APP: variants seen among roughly 807,000 people sequenced by gnomAD.
APP encodes amyloid beta precursor protein.
A neutral mutation model predicts 101.4 loss-of-function variants in APP; 31 were observed. The observed-to-expected ratio is 0.31, with a 90% CI of 0.23 to 0.41. The LOEUF (loss-of-function observed/expected upper bound fraction) is 0.41. Ranked by LOEUF, APP falls within the 10% of genes least tolerant of loss-of-function variation. The pLI is 1.00. For synonymous variants in APP, 366 were observed against 364.4 expected, an observed-to-expected ratio of 1.00 and a Z score of -0.05; for missense variants, 839 against 1,003.7, an observed-to-expected ratio of 0.84 and a Z score of 2.22.
At chr21:26,140,120 A>T (rs919549543) in intron 1 of APP, 3 of 1,443,662 alleles carry the variant, frequency 2.1e-6, no homozygotes, top group Non-Finnish European at 2.8e-6. Flanking sequence ...AATACAGACT[A>T]AAAACAATGC....
At chr21:26,009,016 C>T (rs1159712202) in intron 6 of APP, among the ~76,000 whole-genome samples, 1 of 152,208 alleles carries the variant, frequency 6.6e-6, no homozygotes, top group African/African-American at 2.4e-5. Context: ...CCCATACAGA[C>T]TCAACAACGA....
rs71317448 is a variant in APP at position 26,004,029 on chromosome 21, G to A, written c.866-3847C>T. On this transcript the variant is annotated intron_variant, in intron 6 of 17. Transcript: ENST00000346798. Reference sequence around the variant, plus strand: ...GAACAATTTTCCATGTAGTAGAAAAGAGAATCTTAGCCTACTCTGGGAGAA... The same window carrying A: ...GAACAATTTTCCATGTAGTAGAAAAAAGAATCTTAGCCTACTCTGGGAGAA... 7.4e-3 allele frequency among the ~76,000 whole-genome samples: 1,132 copies of A among 152,260 alleles called. 13 individuals are homozygous for A. The highest frequency in any genetic ancestry group is 0.024 in the Middle Eastern group (7 of 294).
chr21:25,975,803 C>T, intron 10 of APP, 151 bp downstream of exon 10: 2 of 696,052 alleles, frequency 2.9e-6, no homozygotes, highest in South Asian at 1.6e-5. Context: ...TTAAACAACT[C>T]AATTACTAGA....
At chr21:25,951,475 A>C (rs1446076659) in intron 13 of APP, among the ~76,000 whole-genome samples, 1 of 152,226 alleles carries the variant, frequency 6.6e-6, no homozygotes, top group East Asian at 1.9e-4. Flanking sequence ...TGTATTTATA[A>C]GCACAAACTT....
chr21:25,936,498 G>A (rs1456940554), intron 13 of APP, among the ~76,000 whole-genome samples: 5 of 152,184 alleles, frequency 3.3e-5, no homozygotes, highest in African/African-American at 7.2e-5. Flanking sequence ...AGCCAAGATC[G>A]TGCCATTGCA....
chr21:26,050,061 G>T (rs1477581396), intron 5 of APP, among the ~76,000 whole-genome samples: 1 of 152,074 alleles, frequency 6.6e-6, no homozygotes, highest in Non-Finnish European at 1.5e-5. Context: ...GGATCCTTCA[G>T]TTTATGACTG....
At chr21:26,050,976 G>A (rs755719191) in intron 5 of APP, 24 bp downstream of exon 5, 1 of 1,610,778 alleles carries the variant, frequency 6.2e-7, no homozygotes, top group Admixed American at 1.7e-5. Flanking sequence ...GCATCTCTGA[G>A]GCTGAACACA....
chr21:26,046,095 A>G (rs939993123), intron 5 of APP, among the ~76,000 whole-genome samples: 3 of 151,798 alleles, frequency 2.0e-5, no homozygotes, highest in African/African-American at 4.8e-5. Flanking sequence ...ACTTGCCCCC[A>G]TGATTCAATT....
At chr21:25,912,531 T>C (rs1207273779) in intron 13 of APP, among the ~76,000 whole-genome samples, 2 of 152,206 alleles carry the variant, frequency 1.3e-5, no homozygotes, top group African/African-American at 4.8e-5. Context: ...ATGCTCCTCT[T>C]GTGCTGCATG....
chr21:25,984,916 T>A (rs759189297), intron 8 of APP, among the ~76,000 whole-genome samples: 1 of 152,176 alleles, frequency 6.6e-6, no homozygotes, highest in Non-Finnish European at 1.5e-5. Flanking sequence ...GCTGTAACTG[T>A]TATAACCATA....
intron 3 of APP, among the ~76,000 whole-genome samples, chr21:26,057,420 C>T (rs1461793503): frequency 1.3e-5 from 2 of 152,038 alleles, no homozygotes; most frequent in African/African-American, 4.8e-5. Context: ...AACATACAAC[C>T]TGGTTTCTTG....
At chr21:26,014,577 C>A (rs1361409292) in intron 6 of APP, among the ~76,000 whole-genome samples, 1 of 152,150 alleles carries the variant, frequency 6.6e-6, no homozygotes, top group Admixed American at 6.5e-5. Context: ...CCTTCCTAGG[C>A]AGGCCTGAGA....
At chr21:25,965,979 G>C (rs2146532617) in intron 11 of APP, among the ~76,000 whole-genome samples, 1 of 152,270 alleles carries the variant, frequency 6.6e-6, no homozygotes, top group South Asian at 2.1e-4. Context: ...GGCAGTGACT[G>C]AGCAGTGCTC....
chr21:25,880,803 G>A lies in APP; in HGVS notation c.*867C>T, dbSNP rs867304682. 6.6e-6 allele frequency: 1 copy of A among 152,232 alleles called. No homozygotes were observed. Among genetic ancestry groups the A allele is most frequent in the Admixed American group, 6.6e-5 (1 of 15,252 alleles). 9.4% of individuals were successfully genotyped at this position (152,232 alleles called of 1,614,324 possible). A position where few individuals can be genotyped will look rare whatever the true frequency, so the allele number is the denominator to read the frequency against. The stretch of plus-strand genomic sequence containing the variant: ...ATCCTTCAAAGAAAAGTCTTGCCCG[G>A]GGTTATTTTATTTAATTTATTTATG... On this transcript the variant is annotated 3_prime_UTR_variant, in exon 18 of 18. Coordinates refer to ENST00000346798, the MANE Select transcript of APP (RefSeq NM_000484.4).
chr21:26,070,743 A>G (rs1382904519), intron 3 of APP, among the ~76,000 whole-genome samples: 1 of 152,212 alleles, frequency 6.6e-6, no homozygotes, highest in Non-Finnish European at 1.5e-5. Context: ...CTTTTGAAAC[A>G]AAACACCCAG....
intron 5 of APP, among the ~76,000 whole-genome samples, chr21:26,028,636 T>C (rs1258430458): frequency 1.3e-5 from 2 of 152,090 alleles, no homozygotes; most frequent in Non-Finnish European, 2.9e-5. Context: ...TTGATGATAA[T>C]GAGCAAAAAA....
intron 3 of APP, among the ~76,000 whole-genome samples, chr21:26,057,606 T>C (rs990751356): frequency 6.6e-6 from 1 of 152,192 alleles, no homozygotes; most frequent in Non-Finnish European, 1.5e-5. Context: ...AATAGGAGTC[T>C]GCAGGCCTCA....
rs543072009 is a variant in APP, at chr21:25,975,561, A to T, written c.1300-333T>A. On this transcript the variant is annotated intron_variant, in intron 10 of 17. Transcript: ENST00000346798. ...AAAAAAAAATCCCTCTCTTACTAACAGTACCTCAAGTAATTGACCATAATA... is the reference window on the plus strand; with the variant it reads ...AAAAAAAAATCCCTCTCTTACTAACTGTACCTCAAGTAATTGACCATAATA... Among the ~76,000 whole-genome samples, 3 of 152,274 alleles carry T rather than the reference A, an allele frequency of 2.0e-5. No individual in the cohort carries two copies. In the East Asian group the frequency reaches 5.8e-4, roughly 29 times the overall value.
At chr21:26,094,114 CAAAAA>C (rs539941515) in intron 2 of APP, among the ~76,000 whole-genome samples, 1 of 73,174 alleles carries the variant, frequency 1.4e-5, no homozygotes, top group African/African-American at 5.5e-5. Context: ...GACTCGGTCT[CAAAAA>C]AAAAAAAAAA....
Sources: gnomAD v4.1 joint callset for allele counts (sites outside exome capture counted in the v4.1 genomes callset) on GRCh38, gnomAD v4.1.1 for gene constraint, MANE v1.5 for transcripts, NCBI Gene and HGNC (gene_info 2026-07-23, HGNC 2026-07-21) for gene names.